Variants in CORIN observed in about 807,000 individuals in gnomAD.
CORIN encodes the protein atrial natriuretic peptide-converting enzyme.
CORIN carries 117 observed loss-of-function variants against 125.3 expected under a neutral mutation model. The observed-to-expected ratio is 0.93, with a 90% CI of 0.80 to 1.09. The LOEUF is 1.09. Among genes scored for constraint, CORIN ranks in the 50% least tolerant of loss-of-function variants. The pLI, the probability that CORIN is intolerant of heterozygous loss-of-function variation, is 0.00. For missense variants in CORIN, 1,253 were observed against 1,306.7 expected (o/e 0.96, Z 0.63); for synonymous variants, 450 against 466.4 (o/e 0.96, Z 0.45).
chr4:47,748,679 T>C (rs1370910848), intron 4 of CORIN, among the ~76,000 whole-genome samples: 1 of 152,184 alleles, frequency 6.6e-6, no homozygotes, highest in Non-Finnish European at 1.5e-5. Context: ...ATATACAAAT[T>C]AATATATAGA....
chr4:47,729,812 A>G (rs1469477500), intron 5 of CORIN, among the ~76,000 whole-genome samples: 1 of 152,192 alleles, frequency 6.6e-6, no homozygotes, highest in African/African-American at 2.4e-5. Flanking sequence ...GAGCGGCTGA[A>G]TATCGGAACC....
At chr4:47,644,204 A>G (rs773267299) in intron 14 of CORIN, among the ~76,000 whole-genome samples, 4 of 152,192 alleles carry the variant, frequency 2.6e-5, no homozygotes, top group African/African-American at 7.2e-5. Context: ...TCCCTTAATG[A>G]TATCTTGGAG....
intron 1 of CORIN, among the ~76,000 whole-genome samples, chr4:47,833,301 A>C (rs1457183351): frequency 1.3e-5 from 2 of 152,198 alleles, no homozygotes; most frequent in Non-Finnish European, 2.9e-5. Context: ...AATGGAGGAA[A>C]GATATGTCTT....
At chr4:47,778,263 G>T (rs778637992) in intron 3 of CORIN, among the ~76,000 whole-genome samples, 19 of 152,156 alleles carry the variant, frequency 1.2e-4, no homozygotes, top group Admixed American at 1.0e-3. Context: ...TATTAATATG[G>T]CATAAACATA....
chr4:47,617,692 C>T (rs1264285064), intron 19 of CORIN, among the ~76,000 whole-genome samples: 1 of 152,144 alleles, frequency 6.6e-6, no homozygotes. Flanking sequence ...GGGCCAAATC[C>T]TTAGAGTAGA....
At chr4:47,769,325 G>A (rs1381291866) in intron 3 of CORIN, among the ~76,000 whole-genome samples, 1 of 151,890 alleles carries the variant, frequency 6.6e-6, no homozygotes, top group African/African-American at 2.4e-5. Flanking sequence ...TAACCAAGGA[G>A]GTGAAAGATC....
chr4:47,743,789 G>A (rs1381647201), intron 5 of CORIN, among the ~76,000 whole-genome samples: 2 of 152,218 alleles, frequency 1.3e-5, no homozygotes, highest in East Asian at 1.9e-4. Flanking sequence ...GGAGGCTGAG[G>A]CAGGAGAATT....
intron 1 of CORIN, among the ~76,000 whole-genome samples, chr4:47,820,750 G>C (rs946597951): frequency 6.6e-6 from 1 of 152,102 alleles, no homozygotes; most frequent in African/African-American, 2.4e-5. Context: ...CTAAGAGGTA[G>C]AAATAGAATA....
Position 47,677,989 on chromosome 4 carries a change from C to T in CORIN, c.1198G>A (p.Asp400Asn). The change falls in exon 9 of 22, where the codon GAT (aspartate) becomes AAT (asparagine). Residue 400 changes from aspartate to asparagine, a missense_variant. Asp to Asn is a conservative substitution (Grantham distance 23). Coordinates refer to ENST00000273857, the MANE Select transcript of CORIN (RefSeq NM_006587.4). ...GQCIPSTFQC[D>N]GDEDCKDGSD... ...CCATCCTTGCAGTCCTCGTCACCAT[C>T]ACATTGAAACGTGCTGGGGATACAT... 6.2e-7 allele frequency: 1 copy of T among 1,614,086 alleles called. No homozygotes were observed. The highest frequency in any genetic ancestry group is 8.5e-7 in the Non-Finnish European group (1 of 1,179,962).
chr4:47,789,992 A>G, intron 2 of CORIN, among the ~76,000 whole-genome samples: 1 of 152,236 alleles, frequency 6.6e-6, no homozygotes, highest in South Asian at 2.1e-4. Flanking sequence ...ACTGCACTCC[A>G]GCCTGGGAGA....
chr4:47,740,933 A>G (rs975097514), intron 5 of CORIN, among the ~76,000 whole-genome samples: 5 of 151,982 alleles, frequency 3.3e-5, no homozygotes, highest in South Asian at 2.1e-4. Context: ...CTACTTCACA[A>G]CATACAGAAA....
chr4:47,656,939 A>G (rs1724011263), intron 12 of CORIN, among the ~76,000 whole-genome samples: 1 of 152,230 alleles, frequency 6.6e-6, no homozygotes, highest in African/African-American at 2.4e-5. Context: ...TAAAGTTGCA[A>G]GATACAAAAT....
chr4:47,732,852 C>G (rs151237936), intron 5 of CORIN, among the ~76,000 whole-genome samples: 2 of 152,080 alleles, frequency 1.3e-5, no homozygotes, highest in African/African-American at 4.8e-5. Context: ...TGTGAGCCAC[C>G]GCGCCTGGCC....
intron 1 of CORIN, among the ~76,000 whole-genome samples, chr4:47,808,572 A>G (rs1731911070): frequency 6.6e-6 from 1 of 152,214 alleles, no homozygotes; most frequent in Non-Finnish European, 1.5e-5. Context: ...CATTATTTGA[A>G]GTAACTTGTG....
At position 47,626,607 on chromosome 4, in the gene CORIN, C is replaced by CA. The variant is rs1722580996; in HGVS notation, c.2199-87dup. 13 of 838,948 alleles carry CA rather than the reference C, an allele frequency of 1.5e-5. No individual in the cohort carries two copies. The East Asian group carries it at 3.2e-4, about 20-fold the overall frequency. 52.0% of individuals were successfully genotyped at this position (838,948 alleles called of 1,614,324 possible). On this transcript the variant is annotated intron_variant, in intron 16 of 21. Coordinates refer to ENST00000273857, the MANE Select transcript of CORIN (RefSeq NM_006587.4). ...TCATTATTTAGCACTCATTCCCTTT[C>CA]AAAAAGAAGCACTAAATCATGTCAA...
chr4:47,800,820 A>G (rs1731508663), intron 2 of CORIN, among the ~76,000 whole-genome samples: 1 of 152,082 alleles, frequency 6.6e-6, no homozygotes, highest in South Asian at 2.1e-4. Flanking sequence ...GAAAGCCAGC[A>G]TTTCTGGGTT....
At chr4:47,625,753 A>T (rs1018782638) in intron 17 of CORIN, among the ~76,000 whole-genome samples, 6 of 152,202 alleles carry the variant, frequency 3.9e-5, no homozygotes, top group Non-Finnish European at 8.8e-5. Context: ...TTATTTAAAT[A>T]TTCAAGCTGT....
In CORIN at chr4:47,837,921, T is replaced by G. The variant is rs1331221570; in HGVS notation, c.29A>C (p.Glu10Ala). 6.2e-7 allele frequency: 1 copy of G among 1,613,694 alleles called. No homozygotes were observed. The highest frequency in any genetic ancestry group is 1.1e-5 in the South Asian group (1 of 91,070). The change falls in exon 1 of 22, where the codon GAA becomes GCA. Residue 10 changes from glutamate (E) to alanine (A), a missense_variant. Physicochemically the swap from Glu to Ala is moderately radical, Grantham distance 107. Coordinates refer to ENST00000273857, the MANE Select transcript of CORIN (RefSeq NM_006587.4). ...GGACCCGGCTCTGCGGCAGCGCTCT[T>G]CCGGAGCGAGGGCAGGAGACTGTTT... MKQSPALAPEERCRRAGSPK... is the reference protein window; with the variant it reads MKQSPALAPAERCRRAGSPK...
At chr4:47,759,096 A>G (rs1168835508) in intron 4 of CORIN, among the ~76,000 whole-genome samples, 2 of 152,196 alleles carry the variant, frequency 1.3e-5, no homozygotes, top group African/African-American at 4.8e-5. Flanking sequence ...AGAACACACA[A>G]TGGAGAAAAG....
Sources: gnomAD v4.1 joint callset for allele counts (sites outside exome capture counted in the v4.1 genomes callset) on GRCh38, gnomAD v4.1.1 for gene constraint, MANE v1.5 for transcripts, NCBI Gene and HGNC (gene_info 2026-07-23, HGNC 2026-07-21) for gene names.